GASK1A: variants seen among roughly 807,000 people sequenced by gnomAD.
GASK1A encodes golgi associated kinase 1A, also known as Golgi-associated kinase 1A.
A neutral mutation model predicts 41.2 loss-of-function variants in GASK1A; 40 were observed. The ratio of observed to expected loss-of-function variants is 0.97; its 90% CI spans 0.75 to 1.27. GASK1A has a LOEUF of 1.27. Among genes scored for constraint, GASK1A ranks in the 50% most tolerant of loss-of-function variants. The pLI is 0.00. For missense variants in GASK1A, 678 were observed against 745.1 expected (o/e 0.91, Z 1.05); for synonymous variants, 316 against 307.1 (o/e 1.03, Z -0.30).
intron 1 of GASK1A, among the ~76,000 whole-genome samples, chr3:42,996,778 C>T (rs193170360): frequency 6.6e-6 from 1 of 152,360 alleles, no homozygotes; most frequent in East Asian, 1.9e-4. Flanking sequence ...GTCCTGTGGT[C>T]AGGGACTGAG....
intron 1 of GASK1A, among the ~76,000 whole-genome samples, chr3:43,004,446 T>C (rs1233083677): frequency 1.3e-5 from 2 of 152,194 alleles, no homozygotes; most frequent in African/African-American, 4.8e-5. Context: ...TAAACTAGCT[T>C]ATGAGTGATC....
chr3:43,032,402 A>G lies in GASK1A; in HGVS notation c.139A>G (p.Met47Val). The change falls in exon 2 of 5, where the codon ATG (methionine) becomes GTG (valine). Residue 47 changes from methionine (M) to valine (V), a missense_variant. Coordinates refer to ENST00000430121, the MANE Select transcript of GASK1A (RefSeq NM_001129908.3). The part of the protein sequence containing the change: ...RPSAGPDPGP[M>V]EPQGVTGAPA... ...ATCCGCCGGCCCAGACCCTGGTCCC[A>G]TGGAGCCTCAGGGGGTAACTGGCGC... 6.4e-7 allele frequency: 1 copy of G among 1,551,550 alleles called. No homozygotes were observed. The highest frequency in any genetic ancestry group is 8.7e-7 in the Non-Finnish European group (1 of 1,146,872).
intron 2 of GASK1A, among the ~76,000 whole-genome samples, chr3:43,043,367 C>T (rs2089647178): frequency 6.6e-6 from 1 of 152,206 alleles, no homozygotes; most frequent in African/African-American, 2.4e-5. Context: ...GACCTGGTAT[C>T]CCTTCTTGGC....
intron 1 of GASK1A, among the ~76,000 whole-genome samples, chr3:43,026,570 C>G (rs1448771224): frequency 6.6e-6 from 1 of 151,406 alleles, no homozygotes; most frequent in Non-Finnish European, 1.5e-5. Flanking sequence ...TGCAAGAACT[C>G]AAGAAAAAAT....
intron 2 of GASK1A, among the ~76,000 whole-genome samples, chr3:43,042,926 A>G (rs1324573299): frequency 2.0e-5 from 3 of 152,216 alleles, no homozygotes; most frequent in Non-Finnish European, 4.4e-5. Flanking sequence ...CAAGGAGCAC[A>G]GCAAGGTGAG....
At chr3:43,045,829 G>A (rs1422599036) in intron 2 of GASK1A, among the ~76,000 whole-genome samples, 1 of 152,186 alleles carries the variant, frequency 6.6e-6, no homozygotes, top group African/African-American at 2.4e-5. Flanking sequence ...GAGTTCTCAT[G>A]AGATCTGATG....
intron 2 of GASK1A, among the ~76,000 whole-genome samples, chr3:43,038,035 G>A (rs765838117): frequency 1.3e-5 from 2 of 152,158 alleles, no homozygotes; most frequent in Non-Finnish European, 2.9e-5. Flanking sequence ...TAATATTGCC[G>A]TTCTGCTGAT....
intron 1 of GASK1A, among the ~76,000 whole-genome samples, chr3:42,986,738 G>T (rs1007045301): frequency 6.6e-6 from 1 of 152,182 alleles, no homozygotes; most frequent in Non-Finnish European, 1.5e-5. Context: ...GGAGAGATGG[G>T]ATTGTGTTTG....
At chr3:43,011,401 T>A (rs796349702) in intron 1 of GASK1A, among the ~76,000 whole-genome samples, 1,827 of 138,220 alleles carry the variant, frequency 0.013, 51 homozygotes, top group African/African-American at 0.043. Context: ...AAAAAAAAAA[T>A]GGTTAGGAGA....
intron 1 of GASK1A, among the ~76,000 whole-genome samples, chr3:43,030,043 C>T (rs1019176496): frequency 6.6e-6 from 1 of 152,188 alleles, no homozygotes; most frequent in African/African-American, 2.4e-5. Context: ...GTCACCCAGG[C>T]TGGAGTGCAA....
chr3:43,048,062 G>C (rs536572), intron 2 of GASK1A, among the ~76,000 whole-genome samples: 56,550 of 152,058 alleles, frequency 0.37, 11,010 homozygotes, highest in East Asian at 0.57. Context: ...AAAGATTAAA[G>C]GAGGAAATGG....
chr3:42,999,507 C>T (rs1043393090), intron 1 of GASK1A, among the ~76,000 whole-genome samples: 10 of 152,334 alleles, frequency 6.6e-5, no homozygotes, highest in Non-Finnish European at 2.9e-5. Flanking sequence ...CTGGCTCTCT[C>T]GCAGCCCACC....
intron 1 of GASK1A, among the ~76,000 whole-genome samples, chr3:42,986,836 G>A (rs2089313993): frequency 2.6e-5 from 4 of 152,216 alleles, no homozygotes; most frequent in African/African-American, 9.7e-5. Context: ...GCAGGCCAGA[G>A]GAGCAGGTAG....
chr3:43,025,940 A>G (rs1475922700), intron 1 of GASK1A, among the ~76,000 whole-genome samples: 1 of 152,248 alleles, frequency 6.6e-6, no homozygotes, highest in African/African-American at 2.4e-5. Context: ...GGCAGTCACC[A>G]AAATACTTGG....
chr3:42,985,364 A>G (rs989309153), intron 1 of GASK1A, among the ~76,000 whole-genome samples: 5 of 152,126 alleles, frequency 3.3e-5, no homozygotes, highest in African/African-American at 1.2e-4. Context: ...TTCACATTCA[A>G]TGTGTAAATG....
intron 2 of GASK1A, among the ~76,000 whole-genome samples, chr3:43,035,828 A>C (rs1007623333): frequency 6.6e-6 from 1 of 152,182 alleles, no homozygotes; most frequent in African/African-American, 2.4e-5. Flanking sequence ...ACTACATTTA[A>C]TCCTATTTTA....
chr3:42,987,291 G>A (rs1282709088), intron 1 of GASK1A, among the ~76,000 whole-genome samples: 2 of 152,182 alleles, frequency 1.3e-5, no homozygotes, highest in African/African-American at 2.4e-5. Context: ...TTTTAGATAG[G>A]GTGGGCACAC....
chr3:43,042,018 A>G (rs1218727617), intron 2 of GASK1A, among the ~76,000 whole-genome samples: 1 of 152,122 alleles, frequency 6.6e-6, no homozygotes, highest in Admixed American at 6.5e-5. Flanking sequence ...TCTGGAGTCT[A>G]CGAGACCCAG....
intron 1 of GASK1A, among the ~76,000 whole-genome samples, chr3:43,012,268 GA>G (rs2089467483): frequency 6.6e-6 from 1 of 150,412 alleles, no homozygotes; most frequent in Non-Finnish European, 1.5e-5. Flanking sequence ...GGGGCAGTGT[GA>G]GGTCACAGGA....
Sources: allele counts gnomAD v4.1 joint callset (sites outside exome capture counted in the v4.1 genomes callset), GRCh38; gene constraint gnomAD v4.1.1; transcripts MANE v1.5; gene names NCBI Gene and HGNC (gene_info 2026-07-23, HGNC 2026-07-21).